The following HMGN3 variants were observed in gnomAD, a reference collection of about 807,000 sequenced individuals.
HMGN3 encodes high mobility group nucleosomal binding domain 3.
In HMGN3, 6 loss-of-function variants were observed where a neutral mutation model predicts 18.8. That is an observed-to-expected ratio of 0.32 (90% CI 0.18 to 0.63). The LOEUF is 0.63. HMGN3 is among the 30% of genes least tolerant of loss of function. The pLI is 0.79. For missense variants in HMGN3, 107 were observed against 114.2 expected (o/e 0.94, Z 0.29); for synonymous variants, 40 against 36.5 (o/e 1.10, Z -0.35).
At chr6:79,225,600 A>G (rs1473226314) in intron 1 of HMGN3, among the ~76,000 whole-genome samples, 1 of 152,226 alleles carries the variant, frequency 6.6e-6, no homozygotes, top group Admixed American at 6.5e-5. Flanking sequence ...TTCACAAGGG[A>G]GTATTCCCAT....
intron 1 of HMGN3, among the ~76,000 whole-genome samples, chr6:79,226,222 G>T (rs1777560550): frequency 6.6e-6 from 1 of 152,142 alleles, no homozygotes; most frequent in South Asian, 2.1e-4. Context: ...TTTGAGAAAG[G>T]CTGCAGGGTT....
intron 2 of HMGN3, among the ~76,000 whole-genome samples, chr6:79,212,043 T>A (rs199717808): frequency 3.5e-5 from 5 of 143,788 alleles, no homozygotes; most frequent in Admixed American, 6.9e-5. Flanking sequence ...CTTTTAATTC[T>A]AAAAAAAAAA....
At chr6:79,213,687 G>C (rs776667043) in intron 2 of HMGN3, among the ~76,000 whole-genome samples, 1 of 152,172 alleles carries the variant, frequency 6.6e-6, no homozygotes, top group Non-Finnish European at 1.5e-5. Flanking sequence ...GGGACAGACT[G>C]TTTTGTTTTG....
At chr6:79,219,691 A>G (rs527954547) in intron 1 of HMGN3, among the ~76,000 whole-genome samples, 9 of 152,264 alleles carry the variant, frequency 5.9e-5, no homozygotes, top group Admixed American at 4.6e-4. Flanking sequence ...ACTAATTTTA[A>G]TATTTTATTT....
At chr6:79,210,797 C>T (rs554767334) in intron 2 of HMGN3, among the ~76,000 whole-genome samples, 22 of 152,098 alleles carry the variant, frequency 1.4e-4, no homozygotes, top group African/African-American at 5.1e-4. Flanking sequence ...AAAAGTTCCC[C>T]AGCTGCGACA....
At chr6:79,229,861 G>C (rs374210614) in intron 1 of HMGN3, among the ~76,000 whole-genome samples, 1 of 151,904 alleles carries the variant, frequency 6.6e-6, no homozygotes, top group Non-Finnish European at 1.5e-5. Flanking sequence ...CTGGGCGACT[G>C]AGCCAGACTC....
chr6:79,201,465 T>C (rs1179152499), exon 6 of HMGN3: 1 of 528,248 alleles, frequency 1.9e-6, no homozygotes, highest in Non-Finnish European at 3.4e-6. Flanking sequence ...GAATCAATCT[T>C]ACACACAGCT....
At chr6:79,231,808 A>G (rs1427937229) in intron 1 of HMGN3, among the ~76,000 whole-genome samples, 2 of 152,206 alleles carry the variant, frequency 1.3e-5, no homozygotes, top group South Asian at 2.1e-4. Flanking sequence ...TGTGGGATCT[A>G]TAACTACACA....
intron 5 of HMGN3, chr6:79,202,137 T>A (rs911998549): frequency 6.4e-7 from 1 of 1,560,382 alleles, no homozygotes; most frequent in African/African-American, 1.3e-5. Context: ...ACATTAACAG[T>A]TGAGCGAGAG....
chr6:79,230,900 A>C (rs575353880), intron 1 of HMGN3, among the ~76,000 whole-genome samples: 3 of 152,334 alleles, frequency 2.0e-5, no homozygotes, highest in African/African-American at 7.2e-5. Flanking sequence ...TAACTATCAC[A>C]AACCTTGATC....
chr6:79,211,011 C>CCAA (rs375654858), intron 2 of HMGN3, among the ~76,000 whole-genome samples: 1 of 89,746 alleles, frequency 1.1e-5, no homozygotes, highest in Non-Finnish European at 2.1e-5. Flanking sequence ...GAAATTAATG[C>CCAA]AAAAAAAAAA....
intron 2 of HMGN3, among the ~76,000 whole-genome samples, chr6:79,213,296 C>A (rs942812671): frequency 1.3e-5 from 2 of 151,932 alleles, no homozygotes; most frequent in African/African-American, 4.8e-5. Flanking sequence ...GCTGTACAAG[C>A]AAAACCACAC....
chr6:79,229,582 C>T (rs539693936), intron 1 of HMGN3, among the ~76,000 whole-genome samples: 4 of 152,264 alleles, frequency 2.6e-5, no homozygotes, highest in Non-Finnish European at 5.9e-5. Context: ...TTCCTTAAAA[C>T]GTTAAACATA....
intron 3 of HMGN3, among the ~76,000 whole-genome samples, chr6:79,204,755 T>C (rs553650753): frequency 6.6e-6 from 1 of 152,326 alleles, no homozygotes; most frequent in East Asian, 1.9e-4. Flanking sequence ...AGATTGGCTG[T>C]TAGAAATGAC....
intron 2 of HMGN3, 132 bp from the exon 3 acceptor site, chr6:79,208,708 A>G: frequency 1.3e-6 from 1 of 762,872 alleles, no homozygotes; most frequent in Non-Finnish European, 2.3e-6. Context: ...CACCTTCTCC[A>G]GGTAAGCACA....
chr6:79,222,331 A>G (rs564019711), intron 1 of HMGN3, among the ~76,000 whole-genome samples: 2 of 152,304 alleles, frequency 1.3e-5, no homozygotes, highest in Middle Eastern at 3.4e-3. Context: ...GGTTAAAAAG[A>G]AAACCACTAT....
chr6:79,227,609 C>T (rs1406409176), intron 1 of HMGN3, among the ~76,000 whole-genome samples: 3 of 152,038 alleles, frequency 2.0e-5, no homozygotes, highest in Admixed American at 6.6e-5. Context: ...TCATAATCAA[C>T]GAAACAGAGC....
chr6:79,220,959 C>T (rs960825282), intron 1 of HMGN3, among the ~76,000 whole-genome samples: 4 of 151,736 alleles, frequency 2.6e-5, no homozygotes, highest in Admixed American at 6.6e-5. Context: ...CTGAAATGAA[C>T]AATGATTTTT....
chr6:79,206,272 C>T (rs1385644807), intron 3 of HMGN3, among the ~76,000 whole-genome samples: 4 of 152,144 alleles, frequency 2.6e-5, no homozygotes, highest in Admixed American at 6.5e-5. Context: ...CTCCAGGGCA[C>T]GTGACAGACC....
Sources: gnomAD v4.1 joint callset for allele counts (sites outside exome capture counted in the v4.1 genomes callset) on GRCh38, gnomAD v4.1.1 for gene constraint, MANE v1.5 for transcripts, NCBI Gene and HGNC (gene_info 2026-07-23, HGNC 2026-07-21) for gene names.